EAF2: variants seen among roughly 807,000 people sequenced by gnomAD.
The protein encoded by EAF2 is ELL-associated factor 2.
EAF2 carries 29 observed loss-of-function variants against 29.4 expected under a neutral mutation model. The ratio of observed to expected loss-of-function variants is 0.99; its 90% CI spans 0.73 to 1.35. The LOEUF is 1.35. EAF2 is among the 40% of genes most tolerant of loss of function. The probability of loss-of-function intolerance (pLI) is 0.00; values close to 1 mark genes in which losing one functional copy is unlikely to be tolerated. For missense variants in EAF2, 292 were observed against 312.0 expected (o/e 0.94, Z 0.48); for synonymous variants, 103 against 102.5 (o/e 1.00, Z -0.03).
rs370657193 is a variant in EAF2, at chr3:121,877,010, GAT to G, written c.736+4224_736+4225del. Among the ~76,000 whole-genome samples, 1,071 of 141,816 alleles carry G rather than the reference GAT, an allele frequency of 7.6e-3. 15 individuals are homozygous for G. The highest frequency in any genetic ancestry group is 0.031 in the African/African-American group (1,009 of 32,100). 93.0% of individuals were successfully genotyped at this position (141,816 alleles called of 152,430 possible). ...CTAAAAACCATATGGAAAATAAAGA[GAT>G]AGAAAAAAAGATGCTAGCTAAGTAG... On this transcript the variant is annotated intron_variant, in intron 5 of 5. Transcript: ENST00000273668.
chr3:121,856,643 T>A (rs1336265205), intron 3 of EAF2, among the ~76,000 whole-genome samples: 1 of 152,150 alleles, frequency 6.6e-6, no homozygotes, highest in East Asian at 1.9e-4. Context: ...CATGCCCAGC[T>A]AATATTTTTA....
chr3:121,844,520 G>A lies in EAF2; in HGVS notation c.174G>A (p.Gln58=). ...EGYLEVGEGE[Q]VTITLPNIEG... is the part of the protein sequence containing the mutation. ...ACCTTGAGGTTGGTGAAGGTGAACA[G>A]GTGACCATAACTCTGCCAAATATAG... The change falls in exon 2 of 6, where the codon CAG becomes CAA. Residue 58 remains glutamine (Q), a synonymous_variant. Coordinates refer to ENST00000273668, the MANE Select transcript of EAF2 (RefSeq NM_018456.6). 3 of 1,610,524 alleles carry A rather than the reference G, an allele frequency of 1.9e-6. No homozygotes were observed. Among genetic ancestry groups the A allele is most frequent in the Non-Finnish European group, 1.7e-6 (2 of 1,178,110 alleles).
intron 1 of EAF2, among the ~76,000 whole-genome samples, chr3:121,840,517 A>AAAAAAAAAAAAAAC (rs1194171781): frequency 7.9e-6 from 1 of 126,274 alleles, no homozygotes; most frequent in African/African-American, 3.1e-5. Flanking sequence ...AAGAAAAAAA[A>AAAAAAAAAAAAAAC]AAAACGGGCC....
At chr3:121,840,515 A>C (rs796991524) in intron 1 of EAF2, among the ~76,000 whole-genome samples, 7,719 of 96,046 alleles carry the variant, frequency 0.08, 347 homozygotes, top group South Asian at 0.12. Flanking sequence ...AAAAGAAAAA[A>C]AAAAAACGGG....
rs138459007 is a variant in EAF2, at chr3:121,857,150, G to A, written c.478G>A (p.Glu160Lys). Reference protein sequence around the residue: ...MSPASPIDDIERELKAEASLM... With the variant: ...MSPASPIDDIKRELKAEASLM... ...CCCAGCATCTCCAATAGATGATATCGAAAGAGGTAAAATCTAAGTATATGT... is the reference window on the plus strand; with the variant it reads ...CCCAGCATCTCCAATAGATGATATCAAAAGAGGTAAAATCTAAGTATATGT... The change falls in exon 4 of 6, where the codon GAA (glutamate) becomes AAA (lysine). Residue 160 changes from glutamate (E) to lysine (K), a missense_variant. Coordinates refer to ENST00000273668, the MANE Select transcript of EAF2 (RefSeq NM_018456.6). 4.0e-5 allele frequency: 64 copies of A among 1,608,252 alleles called. No individual in the cohort carries two copies. In the Middle Eastern group the frequency reaches 6.6e-4, roughly 17 times the overall value.
At chr3:121,860,966 T>C (rs536876863) in intron 4 of EAF2, among the ~76,000 whole-genome samples, 1 of 152,130 alleles carries the variant, frequency 6.6e-6, no homozygotes, top group East Asian at 1.9e-4. Flanking sequence ...TCAGTTTCCA[T>C]GTAGTTGTGC....
intron 4 of EAF2, among the ~76,000 whole-genome samples, chr3:121,867,557 C>T (rs1428139633): frequency 1.3e-5 from 2 of 152,094 alleles, no homozygotes; most frequent in Non-Finnish European, 2.9e-5. Context: ...AATGATTCTT[C>T]AGTAATGAGG....
intron 4 of EAF2, among the ~76,000 whole-genome samples, chr3:121,862,726 C>A (rs185827508): frequency 6.6e-6 from 1 of 152,218 alleles, no homozygotes; most frequent in East Asian, 1.9e-4. Context: ...TGGCGAGGAG[C>A]TGCATTCCTT....
intron 3 of EAF2, 75 bp downstream of exon 3, chr3:121,854,898 TCA>T: frequency 2.3e-6 from 3 of 1,319,314 alleles, no homozygotes; most frequent in Non-Finnish European, 3.1e-6. Context: ...ATTTATTAAG[TCA>T]CATTATAATA....
chr3:121,884,787 A>G (rs1709255492), intron 5 of EAF2, among the ~76,000 whole-genome samples: 1 of 152,248 alleles, frequency 6.6e-6, no homozygotes, highest in African/African-American at 2.4e-5. Context: ...AGACTGAAAC[A>G]TCTTATAATT....
intron 5 of EAF2, among the ~76,000 whole-genome samples, chr3:121,881,546 G>A (rs1709191182): frequency 6.6e-6 from 1 of 152,030 alleles, no homozygotes; most frequent in Non-Finnish European, 1.5e-5. Context: ...GTCTTACTCT[G>A]TTGCCCAGGC....
At chr3:121,877,588 A>C (rs1448406288) in intron 5 of EAF2, among the ~76,000 whole-genome samples, 1 of 151,932 alleles carries the variant, frequency 6.6e-6, no homozygotes, top group African/African-American at 2.4e-5. Context: ...TTCAAAGCAC[A>C]TGCCAAATAA....
At chr3:121,842,803 A>G (rs1261170951) in intron 1 of EAF2, among the ~76,000 whole-genome samples, 2 of 152,176 alleles carry the variant, frequency 1.3e-5, no homozygotes, top group Admixed American at 6.5e-5. Context: ...CCCTCAGTCC[A>G]AACCCTTTTT....
intron 4 of EAF2, among the ~76,000 whole-genome samples, chr3:121,869,650 G>A (rs958028612): frequency 2.6e-5 from 4 of 152,100 alleles, no homozygotes; most frequent in African/African-American, 4.8e-5. Context: ...GCCAAGGCAA[G>A]AGGGTTGCTT....
At chr3:121,854,590 A>C in intron 2 of EAF2, 97 bp from the exon 3 acceptor site, 2 of 1,032,532 alleles carry the variant, frequency 1.9e-6, no homozygotes, top group Non-Finnish European at 2.7e-6. Flanking sequence ...CTTGAAGTAT[A>C]ACATAGAAGG....
chr3:121,863,044 C>T (rs1708861281), intron 4 of EAF2, among the ~76,000 whole-genome samples: 1 of 152,128 alleles, frequency 6.6e-6, no homozygotes, highest in African/African-American at 2.4e-5. Context: ...GCTGCCTGGT[C>T]CTTCCTCTGG....
At chr3:121,865,787 C>G (rs972440700) in intron 4 of EAF2, among the ~76,000 whole-genome samples, 1 of 152,148 alleles carries the variant, frequency 6.6e-6, no homozygotes, top group Non-Finnish European at 1.5e-5. Flanking sequence ...GACTGCATTC[C>G]TCAAAGTGTT....
chr3:121,882,850 C>T (rs950078498), intron 5 of EAF2, among the ~76,000 whole-genome samples: 13 of 150,782 alleles, frequency 8.6e-5, no homozygotes, highest in African/African-American at 2.9e-4. Context: ...CTAGGAGTTT[C>T]CTAATGAAAT....
At chr3:121,869,737 G>A (rs1031042992) in intron 4 of EAF2, among the ~76,000 whole-genome samples, 1 of 151,898 alleles carries the variant, frequency 6.6e-6, no homozygotes, top group African/African-American at 2.4e-5. Context: ...AGATTACTCA[G>A]GCAGTCAGGC....
Sources: gnomAD v4.1 joint callset for allele counts (sites outside exome capture counted in the v4.1 genomes callset) on GRCh38, gnomAD v4.1.1 for gene constraint, MANE v1.5 for transcripts, NCBI Gene and HGNC (gene_info 2026-07-23, HGNC 2026-07-21) for gene names.